ASIC4: variants seen among roughly 807,000 people sequenced by gnomAD.
ASIC4 encodes acid-sensing ion channel 4.
Under a neutral mutation model 53.4 loss-of-function variants are expected in ASIC4, and 28 were observed. The observed-to-expected ratio is 0.52, with a 90% confidence interval of 0.39 to 0.72. ASIC4 has a LOEUF of 0.72. Among genes scored for constraint, ASIC4 ranks in the 30% least tolerant of loss-of-function variants. The pLI, the probability that ASIC4 is intolerant of heterozygous loss-of-function variation, is 0.00. For missense variants in ASIC4, 649 were observed against 729.7 expected (o/e 0.89, Z 1.27); for synonymous variants, 289 against 301.4 (o/e 0.96, Z 0.43).
the ASIC4 span, among the ~76,000 whole-genome samples, chr2:219,507,205 C>G: frequency 6.6e-5 from 10 of 152,348 alleles, no homozygotes; most frequent in East Asian, 7.7e-4. Flanking sequence ...CTGGTCCCCC[C>G]CTTCACCCCT....
At chr2:219,529,966 G>C (rs144879408) in intron 1 of ASIC4, among the ~76,000 whole-genome samples, 127 of 152,106 alleles carry the variant, frequency 8.3e-4, no homozygotes, top group African/African-American at 2.7e-3. Flanking sequence ...GGTCTCAGGA[G>C]GACTCTCAGT....
At chr2:219,513,766 A>G (rs1694732369), upstream of ASIC4, among the ~76,000 whole-genome samples, 1 of 152,200 alleles carries the variant, frequency 6.6e-6, no homozygotes, top group African/African-American at 2.4e-5. Flanking sequence ...CATATGAATG[A>G]CTGAGATTGG....
At chr2:219,512,122 G>A (rs1304912272), upstream of ASIC4, among the ~76,000 whole-genome samples, 1 of 152,114 alleles carries the variant, frequency 6.6e-6, no homozygotes, top group Non-Finnish European at 1.5e-5. Context: ...TGGTGGGGGT[G>A]TGCATGCAGC....
In ASIC4 at chr2:219,521,499, G is replaced by A. The variant is rs547261634; in HGVS notation, c.582+6193G>A. Among the ~76,000 whole-genome samples the A allele has an allele frequency of 1.2e-3, 190 of 152,300 alleles. 1 individual carries two copies. Among genetic ancestry groups the A allele is most frequent in the Non-Finnish European group, 2.0e-3 (134 of 68,022 alleles). On this transcript the variant is annotated intron_variant, in intron 1 of 9. Coordinates refer to ENST00000358078, the MANE Select transcript of ASIC4 (RefSeq NM_018674.6). ...CTGGCGGCAGGGCTGCCTCTGCTAG[G>A]TCCAGGCAGGGGGCAGGAAGGATCA...
rs373575312 is a variant in ASIC4 at position 219,537,143 on chromosome 2, T to C, written c.1307T>C (p.Leu436Pro). The change falls in exon 7 of 10, where the codon CTG (leucine) becomes CCG (proline). Residue 436 changes from leucine (L) to proline (P), a missense_variant. By Grantham distance (98) the Leu-to-Pro change is moderately conservative. Coordinates refer to ENST00000358078, the MANE Select transcript of ASIC4 (RefSeq NM_018674.6). The surrounding 1 kb of genome is among the most constrained non-coding windows in gnomAD (Gnocchi z 4.9). ...EAMEQRAAYG[L>P]SALLGDLGGQ... is the part of the protein sequence containing the mutation. ...ATGGAGCAGCGAGCAGCCTATGGCC[T>C]GTCAGCCCTGCTGGGTGAGACTGGT... The C allele has an allele frequency of 3.1e-6, 5 of 1,613,996 alleles. No individual in the cohort carries two copies. The highest frequency in any genetic ancestry group is 4.2e-6 in the Non-Finnish European group (5 of 1,179,882).
Position 219,514,593 on chromosome 2 carries a change from G to C in ASIC4, c.-132G>C. ...CACCTCGGGCCCCCACCCTGTCCCT[G>C]TCCTCTTCCCGCTTGCCCTGAGTTT... On this transcript the variant is annotated 5_prime_UTR_variant, in exon 1 of 10. Transcript: ENST00000358078. 6.3e-7 allele frequency: 1 copy of C among 1,594,152 alleles called. No individual in the cohort carries two copies. Among genetic ancestry groups the C allele is most frequent in the South Asian group, 1.1e-5 (1 of 88,554 alleles).
Position 219,537,699 on chromosome 2 carries a change from G to T in ASIC4, c.1469G>T (p.Gly490Val). ...PKTPLRTSTG[G>V]ISTLGLQELK... ...ACCCCCCTGCGGACCTCCACTGGGG[G>T]CATCTCCACTTTGGGGCTTCAGGAG... The change falls in exon 9 of 10, where the codon GGC becomes GTC. Residue 490 changes from glycine (G) to valine (V), a missense_variant. Coordinates refer to ENST00000358078, the MANE Select transcript of ASIC4 (RefSeq NM_018674.6). This position sits in a 1 kb window ranked among gnomAD's most constrained non-coding sequence, Gnocchi z 4.9. 1 of 1,614,054 alleles carries T rather than the reference G, an allele frequency of 6.2e-7. No individual in the cohort carries two copies. Among genetic ancestry groups the T allele is most frequent in the South Asian group, 1.1e-5 (1 of 91,064 alleles).
At chr2:219,520,412 A>G (rs1694866636) in intron 1 of ASIC4, among the ~76,000 whole-genome samples, 1 of 151,794 alleles carries the variant, frequency 6.6e-6, no homozygotes. Flanking sequence ...GCTCCTTAGC[A>G]CCCACTCCTT....
intron 1 of ASIC4, among the ~76,000 whole-genome samples, chr2:219,524,823 T>G (rs956203343): frequency 6.6e-6 from 1 of 152,214 alleles, no homozygotes; most frequent in South Asian, 2.1e-4. Flanking sequence ...AGAGAGAGCC[T>G]GCAAGGTGCT....
At chr2:219,514,099 GC>G (rs1694736366), upstream of ASIC4, 1 of 532,534 alleles carries the variant, frequency 1.9e-6, no homozygotes, top group African/African-American at 1.9e-5. Context: ...CAGGAAAGTG[GC>G]AAAGAATGAG....
At chr2:219,535,459 G>A (rs896302605) in intron 6 of ASIC4, 135 bp downstream of exon 6, 2 of 1,054,136 alleles carry the variant, frequency 1.9e-6, no homozygotes, top group South Asian at 3.3e-5. Flanking sequence ...GGGTGTGGGT[G>A]TGTATGTGTG....
chr2:219,509,170 T>G (rs1324125850), upstream of ASIC4, among the ~76,000 whole-genome samples: 1 of 151,796 alleles, frequency 6.6e-6, no homozygotes. This position sits in a 1 kb window ranked among gnomAD's most constrained non-coding sequence, Gnocchi z 5.2. Context: ...TCCATCTCAA[T>G]CCCCTCCCCC....
intron 1 of ASIC4, among the ~76,000 whole-genome samples, chr2:219,524,611 G>T (rs35261353): frequency 6.6e-6 from 1 of 152,150 alleles, no homozygotes; most frequent in Non-Finnish European, 1.5e-5. Flanking sequence ...TTTGAAGGGC[G>T]CCTGTTGTTA....
rs1695167779 is a variant in ASIC4 at position 219,537,713 on chromosome 2, G to A, written c.1483G>A (p.Gly495Arg). 6.2e-7 allele frequency: 1 copy of A among 1,613,916 alleles called. No homozygotes were observed. The highest frequency in any genetic ancestry group is 8.5e-7 in the Non-Finnish European group (1 of 1,179,908). The part of the protein sequence containing the change: ...RTSTGGISTL[G>R]LQELKEQSPC... ...CTCCACTGGGGGCATCTCCACTTTG[G>A]GGCTTCAGGAGCTGAAGGAACAGGT... Residue 495 changes from glycine to arginine, a missense_variant, in exon 9 of 10, where the codon GGG becomes AGG. Transcript: ENST00000358078. The surrounding 1 kb of genome is among the most constrained non-coding windows in gnomAD (Gnocchi z 4.9).
upstream of ASIC4, among the ~76,000 whole-genome samples, chr2:219,509,881 TAGCCTTC>T (rs1307581659): frequency 6.6e-6 from 1 of 152,134 alleles, no homozygotes; most frequent in Non-Finnish European, 1.5e-5. The surrounding 1 kb of genome is among the most constrained non-coding windows in gnomAD (Gnocchi z 5.2). Flanking sequence ...GTTCTCAGTC[TAGCCTTC>T]AGCTCAGCTG....
Position 219,516,961 on chromosome 2 carries a change from G to T in ASIC4, c.582+1655G>T, listed in dbSNP as rs1326365071. On this transcript the variant is annotated intron_variant, in intron 1 of 9. Coordinates refer to ENST00000358078, the MANE Select transcript of ASIC4 (RefSeq NM_018674.6). The surrounding 1 kb of genome is among the most constrained non-coding windows in gnomAD (Gnocchi z 4.9). ...GGAGGAGGTGGGATATGGAGGGTGAGTGTGGCCTTTGGGATCCATAGGGCT... is the reference window on the plus strand; with the variant it reads ...GGAGGAGGTGGGATATGGAGGGTGATTGTGGCCTTTGGGATCCATAGGGCT... 1 of 152,414 alleles carries T rather than the reference G, an allele frequency of 6.6e-6. No individual in the cohort carries two copies. Among genetic ancestry groups the T allele is most frequent in the African/African-American group, 2.4e-5 (1 of 41,472 alleles). 9.4% of individuals were successfully genotyped at this position (152,414 alleles called of 1,614,324 possible). A position where few individuals can be genotyped will look rare whatever the true frequency, so the allele number is the denominator to read the frequency against.
Position 219,514,827 on chromosome 2 carries a change from C to G in ASIC4, c.103C>G (p.Pro35Ala), listed in dbSNP as rs200285513. The G allele has an allele frequency of 9.6e-4, 1,545 of 1,613,280 alleles. 9 individuals are homozygous for G. The highest frequency in any genetic ancestry group is 8.3e-3 in the Middle Eastern group (50 of 6,060). The change falls in exon 1 of 10, where the codon CCT becomes GCT. Residue 35 changes from proline to alanine, a missense_variant. Coordinates refer to ENST00000358078, the MANE Select transcript of ASIC4 (RefSeq NM_018674.6). ...DEQSLLGAVAPGAAPRDLATF... is the reference protein window; with the variant it reads ...DEQSLLGAVAAGAAPRDLATF... ...GCAGAGCCTCCTCGGGGCTGTTGCC[C>G]CTGGAGCAGCCCCCCGAGACCTGGC...
At position 219,536,116 on chromosome 2, in the gene ASIC4, C is replaced by T. The variant is rs1345904787; in HGVS notation, c.1229+792C>T. The stretch of plus-strand genomic sequence containing the variant: ...GTAGCCCCACTCATTGCTCAAGTCA[C>T]GTTCAGTGTCTCCACCTCCAGGGAA... On this transcript the variant is annotated intron_variant, in intron 6 of 9. Coordinates refer to ENST00000358078, the MANE Select transcript of ASIC4 (RefSeq NM_018674.6). The surrounding 1 kb of genome is among the most constrained non-coding windows in gnomAD (Gnocchi z 4.6). Among the ~76,000 whole-genome samples the T allele has an allele frequency of 1.3e-5, 2 of 152,340 alleles. No individual in the cohort carries two copies. Among genetic ancestry groups the T allele is most frequent in the African/African-American group, 2.4e-5 (1 of 41,584 alleles).
intron 1 of ASIC4, among the ~76,000 whole-genome samples, chr2:219,524,852 C>T (rs573878017): frequency 2.0e-5 from 3 of 152,338 alleles, no homozygotes; most frequent in South Asian, 2.1e-4. Context: ...TGTGAGGTTG[C>T]GCCCAGTGGG....
Sources: allele counts gnomAD v4.1 joint callset (sites outside exome capture counted in the v4.1 genomes callset), GRCh38; gene constraint gnomAD v4.1.1; non-coding constraint Gnocchi (gnomAD v3.1); transcripts MANE v1.5; gene names NCBI Gene and HGNC (gene_info 2026-07-23, HGNC 2026-07-21).